FAF1: variants seen among roughly 807,000 people sequenced by gnomAD.
FAF1 encodes Fas associated factor 1, also known as FAS-associated factor 1.
In FAF1, 25 loss-of-function variants were observed where a neutral mutation model predicts 92.5. The ratio of observed to expected loss-of-function variants is 0.27; its 90% confidence interval spans 0.20 to 0.38. FAF1 has a LOEUF of 0.38. Ranked by LOEUF, FAF1 falls within the 10% of genes least tolerant of loss-of-function variation. The probability of loss-of-function intolerance (pLI) is 1.00; values close to 1 mark genes in which losing one functional copy is unlikely to be tolerated. For synonymous variants in FAF1, 234 were observed against 273.2 expected (o/e 0.86, Z 1.42); for missense variants, 636 against 793.3 (o/e 0.80, Z 2.38).
At chr1:50,574,265 G>A (rs1650604947) in intron 12 of FAF1, among the ~76,000 whole-genome samples, 2 of 152,320 alleles carry the variant, frequency 1.3e-5, no homozygotes, top group South Asian at 2.1e-4. Context: ...CCACCATGTG[G>A]CAAAAGTTTT....
intron 5 of FAF1, among the ~76,000 whole-genome samples, chr1:50,739,579 A>T (rs762845414): frequency 3.3e-5 from 5 of 152,192 alleles, no homozygotes; most frequent in Non-Finnish European, 5.9e-5. Flanking sequence ...GAAGAAGTAT[A>T]TCCTTGCAAA....
At chr1:50,545,205 G>A (rs1275760479) in intron 13 of FAF1, among the ~76,000 whole-genome samples, 1 of 152,128 alleles carries the variant, frequency 6.6e-6, no homozygotes, top group African/African-American at 2.4e-5. Context: ...AATGGAAATA[G>A]TAATAGCACA....
At chr1:50,769,098 A>G (rs1471849098) in intron 4 of FAF1, among the ~76,000 whole-genome samples, 1 of 152,156 alleles carries the variant, frequency 6.6e-6, no homozygotes, top group East Asian at 1.9e-4. Context: ...AAACACAGTC[A>G]AAAATGACAA....
At chr1:50,723,701 C>T (rs1198822128) in intron 6 of FAF1, among the ~76,000 whole-genome samples, 1 of 152,056 alleles carries the variant, frequency 6.6e-6, no homozygotes, top group Admixed American at 6.6e-5. Flanking sequence ...CACTTGAGGC[C>T]AGAAGTTCAA....
intron 1 of FAF1, 75 bp downstream of exon 1, chr1:50,959,692 G>C: frequency 7.5e-7 from 1 of 1,331,778 alleles, no homozygotes; most frequent in South Asian, 1.2e-5. Context: ...TTCAAACGCT[G>C]GGAAGAAGAC....
chr1:50,612,799 G>T (rs1365770506), intron 8 of FAF1, among the ~76,000 whole-genome samples: 1 of 152,290 alleles, frequency 6.6e-6, no homozygotes, highest in African/African-American at 2.4e-5. Context: ...ACAAGAAAAA[G>T]TAATTTCACC....
intron 1 of FAF1, among the ~76,000 whole-genome samples, chr1:50,859,941 C>A (rs1644419183): frequency 6.6e-6 from 1 of 151,756 alleles, no homozygotes; most frequent in Non-Finnish European, 1.5e-5. Flanking sequence ...AGAAATAAAG[C>A]TGCTTGCACA....
At chr1:50,902,005 T>C (rs993104264) in intron 1 of FAF1, among the ~76,000 whole-genome samples, 2 of 152,232 alleles carry the variant, frequency 1.3e-5, no homozygotes, top group African/African-American at 4.8e-5. Context: ...TTAATGAAAT[T>C]ACAAAGTACC....
chr1:50,812,443 C>A, intron 2 of FAF1, among the ~76,000 whole-genome samples: 1 of 152,180 alleles, frequency 6.6e-6, no homozygotes, highest in Non-Finnish European at 1.5e-5. Context: ...CAAAAGAAGA[C>A]ATACATGCAG....
intron 8 of FAF1, among the ~76,000 whole-genome samples, chr1:50,633,015 G>A (rs1653858385): frequency 6.6e-6 from 1 of 152,010 alleles, no homozygotes; most frequent in African/African-American, 2.4e-5. Flanking sequence ...TTTAATTATT[G>A]CAATGCTGAG....
chr1:50,849,260 C>T (rs1254240702), intron 2 of FAF1, among the ~76,000 whole-genome samples: 4 of 149,364 alleles, frequency 2.7e-5, no homozygotes, highest in Non-Finnish European at 6.0e-5. Flanking sequence ...GAGTGAGACT[C>T]CGTCTCAAAA....
chr1:50,754,888 CCAT>C (rs1408732454), intron 4 of FAF1, among the ~76,000 whole-genome samples: 1 of 151,598 alleles, frequency 6.6e-6, no homozygotes, highest in Non-Finnish European at 1.5e-5. Context: ...CCTTACAAAA[CCAT>C]CAGATCTGAT....
chr1:50,573,117 T>G (rs1650528365), intron 12 of FAF1, among the ~76,000 whole-genome samples: 1 of 152,010 alleles, frequency 6.6e-6, no homozygotes, highest in African/African-American at 2.4e-5. Flanking sequence ...TTCTTTTTTT[T>G]TTTTTTGAGA....
rs1439564695 is a variant in FAF1 at position 50,682,783 on chromosome 1, T to C, written c.657+23003A>G. 2.0e-5 allele frequency among the ~76,000 whole-genome samples: 3 copies of C among 152,142 alleles called. No homozygotes were observed. In the East Asian group the frequency reaches 5.8e-4, roughly 29 times the overall value. ...AGGGAGAAGCTGCTATTTTTAGTCT[T>C]TTAATATTTAGTGTTAAGATCTGAA... On this transcript the variant is annotated intron_variant, in intron 7 of 18. Transcript: ENST00000396153.
At chr1:50,681,480 G>A (rs1656417109) in intron 7 of FAF1, among the ~76,000 whole-genome samples, 1 of 151,932 alleles carries the variant, frequency 6.6e-6, no homozygotes, top group South Asian at 2.1e-4. Context: ...TTCAATAGCT[G>A]TGGTATACAA....
intron 4 of FAF1, among the ~76,000 whole-genome samples, chr1:50,768,592 G>A (rs1312868334): frequency 2.6e-5 from 4 of 151,660 alleles, no homozygotes; most frequent in Non-Finnish European, 5.9e-5. Context: ...TCACACTACT[G>A]AACCAGTGCA....
At chr1:50,528,527 C>T (rs1295862541) in intron 15 of FAF1, among the ~76,000 whole-genome samples, 1 of 152,306 alleles carries the variant, frequency 6.6e-6, no homozygotes, top group African/African-American at 2.4e-5. Context: ...TATATATTCA[C>T]TTCCTAATCA....
At chr1:50,555,043 C>T (rs769623127) in intron 13 of FAF1, among the ~76,000 whole-genome samples, 39 of 151,974 alleles carry the variant, frequency 2.6e-4, no homozygotes, top group Non-Finnish European at 4.0e-4. Context: ...TGGTGAAACC[C>T]CTGTCTCTAC....
At chr1:50,672,031 T>TA (rs113632692) in intron 7 of FAF1, among the ~76,000 whole-genome samples, 2,939 of 149,600 alleles carry the variant, frequency 0.02, 98 homozygotes, top group African/African-American at 0.069. Flanking sequence ...TTTTTTTTTT[T>TA]TTATTATTTA....
Sources: gnomAD v4.1 joint callset for allele counts (sites outside exome capture counted in the v4.1 genomes callset) on GRCh38, gnomAD v4.1.1 for gene constraint, MANE v1.5 for transcripts, NCBI Gene and HGNC (gene_info 2026-07-23, HGNC 2026-07-21) for gene names.